Variants in ITGA9 observed in about 807,000 individuals in gnomAD.
The protein encoded by ITGA9 is integrin alpha-9.
A neutral mutation model predicts 127.8 loss-of-function variants in ITGA9; 56 were observed. The ratio of observed to expected loss-of-function variants is 0.44; its 90% CI spans 0.35 to 0.55. The LOEUF is 0.55. Ranked by LOEUF, ITGA9 falls within the 20% of genes least tolerant of loss-of-function variation. The pLI is 0.00. For missense variants in ITGA9, 1,196 were observed against 1,347.1 expected (o/e 0.89, Z 1.76); for synonymous variants, 508 against 514.5 (o/e 0.99, Z 0.17).
rs1261860386 is a variant in ITGA9, at chr3:37,517,629, G to A, written c.1141+20G>A. ...TCCCAGGTGAGTGAGTGCTCCTGGT[G>A]CACGGAGCCCCTCCAGGTGCAGCAC... On this transcript the variant is annotated intron_variant, in intron 10 of 27. Transcript: ENST00000264741. 1.3e-6 allele frequency: 2 copies of A among 1,512,096 alleles called. No individual in the cohort carries two copies. The highest frequency in any genetic ancestry group is 1.9e-5 in the Admixed American group (1 of 52,296). 93.7% of individuals were successfully genotyped at this position (1,512,096 alleles called of 1,614,324 possible).
At position 37,629,077 on chromosome 3, in the gene ITGA9, G is replaced by T; in HGVS notation, c.1690-110G>T. 1 of 1,276,574 alleles carries T rather than the reference G, an allele frequency of 7.8e-7. No homozygotes were observed. Among genetic ancestry groups the T allele is most frequent in the South Asian group, 1.2e-5 (1 of 82,448 alleles). 79.1% of individuals were successfully genotyped at this position (1,276,574 alleles called of 1,614,324 possible). A position where few individuals can be genotyped will look rare whatever the true frequency, so the allele number is the denominator to read the frequency against. ...AAAACCCTACCTCACGAGGGTGATT[G>T]TGAGGATTATATGAGGCAATTCATG... On this transcript the variant is annotated intron_variant, in intron 15 of 27. Coordinates refer to ENST00000264741, the MANE Select transcript of ITGA9 (RefSeq NM_002207.3). This position sits in a 1 kb window ranked among gnomAD's most constrained non-coding sequence, Gnocchi z 4.5.
intron 3 of ITGA9, among the ~76,000 whole-genome samples, 188 bp downstream of exon 3, chr3:37,473,648 G>A (rs568225111): frequency 1.3e-5 from 2 of 152,292 alleles, no homozygotes; most frequent in East Asian, 1.9e-4. Flanking sequence ...TCTGTCCCAA[G>A]GTGCTGAGAT....
At chr3:37,495,680 A>G (rs1035549696) in intron 5 of ITGA9, among the ~76,000 whole-genome samples, 1 of 152,156 alleles carries the variant, frequency 6.6e-6, no homozygotes, top group African/African-American at 2.4e-5. Flanking sequence ...TCTTATGTCT[A>G]TTATGCTTTT....
chr3:37,664,225 C>T, intron 17 of ITGA9, among the ~76,000 whole-genome samples: 1 of 152,232 alleles, frequency 6.6e-6, no homozygotes, highest in East Asian at 1.9e-4. Context: ...AAGTCTTCCT[C>T]TCTTTGAAAG....
chr3:37,594,255 C>T (rs1001656276), intron 15 of ITGA9, among the ~76,000 whole-genome samples: 4 of 152,138 alleles, frequency 2.6e-5, no homozygotes, highest in African/African-American at 9.7e-5. Context: ...CATTAATGTA[C>T]GTTTATACCA....
intron 15 of ITGA9, among the ~76,000 whole-genome samples, chr3:37,591,220 A>T (rs985940583): frequency 2.0e-5 from 3 of 152,128 alleles, no homozygotes; most frequent in Admixed American, 2.0e-4. Context: ...CCTTTTCATC[A>T]TGTCTGTGTG....
intron 18 of ITGA9, among the ~76,000 whole-genome samples, chr3:37,710,531 C>T (rs1348855801): frequency 6.6e-6 from 1 of 152,192 alleles, no homozygotes; most frequent in African/African-American, 2.4e-5. Context: ...GACAGTTATC[C>T]TGGCTTCACA....
At chr3:37,790,448 C>T in intron 26 of ITGA9, 2 of 402,440 alleles carry the variant, frequency 5.0e-6, no homozygotes, top group South Asian at 4.0e-5. Context: ...GCCCCCATCT[C>T]ATAACATGAT....
At chr3:37,715,838 G>A (rs1429296198) in intron 18 of ITGA9, among the ~76,000 whole-genome samples, 1 of 152,192 alleles carries the variant, frequency 6.6e-6, no homozygotes, top group East Asian at 1.9e-4. Flanking sequence ...AGAAGAGGGG[G>A]ACTAGATGTT....
intron 16 of ITGA9, among the ~76,000 whole-genome samples, chr3:37,645,130 A>G (rs2125643338): frequency 6.6e-6 from 1 of 152,276 alleles, no homozygotes; most frequent in African/African-American, 2.4e-5. Context: ...GGGGTTATAA[A>G]CATGAATTAC....
At chr3:37,669,242 G>A (rs1409263748) in intron 17 of ITGA9, among the ~76,000 whole-genome samples, 4 of 152,204 alleles carry the variant, frequency 2.6e-5, no homozygotes, top group African/African-American at 7.2e-5. Context: ...ACAGTGGCCC[G>A]TCCTTTGGTC....
chr3:37,727,748 T>A (rs576928642), intron 18 of ITGA9, among the ~76,000 whole-genome samples: 1 of 152,354 alleles, frequency 6.6e-6, no homozygotes, highest in African/African-American at 2.4e-5. Context: ...CACAAAAGGA[T>A]CATTTTAACA....
At chr3:37,735,242 G>C (rs370861662) in intron 19 of ITGA9, among the ~76,000 whole-genome samples, 3 of 152,022 alleles carry the variant, frequency 2.0e-5, no homozygotes, top group Non-Finnish European at 2.9e-5. Flanking sequence ...ATTTAATTCA[G>C]ATCTCCTCCC....
intron 16 of ITGA9, among the ~76,000 whole-genome samples, chr3:37,636,992 ATC>A (rs1429286304): frequency 6.6e-6 from 1 of 152,038 alleles, no homozygotes; most frequent in African/African-American, 2.4e-5. Context: ...ATTGGTCTAT[ATC>A]TCTGTTTTGG....
At chr3:37,549,058 G>C (rs984427582) in intron 15 of ITGA9, among the ~76,000 whole-genome samples, 2 of 152,224 alleles carry the variant, frequency 1.3e-5, no homozygotes, top group Non-Finnish European at 2.9e-5. Flanking sequence ...GAACCGGGAA[G>C]CTGGGCTTTG....
chr3:37,642,827 C>T (rs181219051), intron 16 of ITGA9, among the ~76,000 whole-genome samples: 206 of 152,346 alleles, frequency 1.4e-3, no homozygotes, highest in Non-Finnish European at 2.5e-3. Flanking sequence ...ACTACAGCTC[C>T]TCCCACCCCA....
At position 37,736,987 on chromosome 3, in the gene ITGA9, A is replaced by AG. The variant is rs200249844; in HGVS notation, c.2234+12dup. 2.1e-3 allele frequency: 3,298 copies of AG among 1,584,472 alleles called. 76 individuals carry two copies. The East Asian group carries it at 0.053, about 25-fold the overall frequency. On this transcript the variant is annotated splice_donor_region_variant and intron_variant, in intron 20 of 27. Transcript: ENST00000264741. ...GCTTCATTGTTACTGCTCAGAGGTA[A>AG]GGGGGGGGTTTAAACACTTTTTTCA...
chr3:37,634,764 T>C (rs1195823095), intron 16 of ITGA9, among the ~76,000 whole-genome samples: 1 of 152,224 alleles, frequency 6.6e-6, no homozygotes, highest in East Asian at 1.9e-4. Flanking sequence ...AACAGACATA[T>C]ACACAACAGT....
chr3:37,640,853 C>A (rs1700326248), intron 16 of ITGA9, among the ~76,000 whole-genome samples: 2 of 152,152 alleles, frequency 1.3e-5, no homozygotes, highest in African/African-American at 4.8e-5. Flanking sequence ...CTCTGCCTGC[C>A]TCTGGGTGGT....
Sources: gnomAD v4.1 joint callset for allele counts (sites outside exome capture counted in the v4.1 genomes callset) on GRCh38, gnomAD v4.1.1 for gene constraint, Gnocchi (gnomAD v3.1) non-coding constraint, MANE v1.5 for transcripts, NCBI Gene and HGNC (gene_info 2026-07-23, HGNC 2026-07-21) for gene names.